Variants in SLC8A1 observed in about 807,000 individuals in gnomAD.
SLC8A1 encodes solute carrier family 8 member A1.
In SLC8A1, 18 loss-of-function variants were observed where a neutral mutation model predicts 68.3. That is an observed-to-expected ratio of 0.26 (90% confidence interval 0.18 to 0.39). The LOEUF (loss-of-function observed/expected upper bound fraction) is 0.39, where lower values mean the gene tolerates loss of function less well. Among genes scored for constraint, SLC8A1 ranks in the 10% least tolerant of loss-of-function variants. The probability of loss-of-function intolerance (pLI) is 1.00; values close to 1 mark genes in which losing one functional copy is unlikely to be tolerated. For missense variants in SLC8A1, 985 were observed against 1,156.7 expected (o/e 0.85, Z 2.15); for synonymous variants, 475 against 415.5 (o/e 1.14, Z -1.74).
chr2:40,172,741 G>A (rs1436586511), intron 4 of SLC8A1, among the ~76,000 whole-genome samples: 3 of 152,116 alleles, frequency 2.0e-5, no homozygotes. Flanking sequence ...AGGAGATTGA[G>A]ACTCTCCTGG....
At chr2:40,170,180 G>T in intron 4 of SLC8A1, 101 bp downstream of exon 7, 2 of 1,029,948 alleles carry the variant, frequency 1.9e-6, no homozygotes, top group Non-Finnish European at 1.5e-6. Flanking sequence ...ATTTAGCAAT[G>T]TTTTACAGAG....
At chr2:40,465,908 T>C (rs1022427661) in intron 1 of SLC8A1, among the ~76,000 whole-genome samples, 1 of 152,212 alleles carries the variant, frequency 6.6e-6, no homozygotes, top group Non-Finnish European at 1.5e-5. Flanking sequence ...GAACGGTCTT[T>C]TGGGGAGTGG....
At chr2:40,131,858 ATTTTTTTTTTTTTT>A (rs71404277) in intron 7 of SLC8A1, among the ~76,000 whole-genome samples, 2 of 95,558 alleles carry the variant, frequency 2.1e-5, no homozygotes, top group African/African-American at 8.6e-5. Context: ...TTGGTATTCT[ATTTTTTTTTTTTTT>A]TTTTTTTTTT....
chr2:40,106,543 TCATA>T (rs1446279443), exon 8 of SLC8A1: 1 of 152,200 alleles, frequency 6.6e-6, no homozygotes, highest in Non-Finnish European at 1.5e-5. Context: ...ATTTTAAGTC[TCATA>T]CATATATTTA....
At chr2:40,317,999 C>A (rs544132052) in intron 2 of SLC8A1, among the ~76,000 whole-genome samples, 6 of 152,140 alleles carry the variant, frequency 3.9e-5, no homozygotes, top group South Asian at 2.1e-4. Flanking sequence ...GAGAGCAACA[C>A]TGAAGTGTAT....
chr2:40,395,493 T>A (rs961748257), intron 2 of SLC8A1, among the ~76,000 whole-genome samples: 1 of 152,108 alleles, frequency 6.6e-6, no homozygotes, highest in South Asian at 2.1e-4. Flanking sequence ...ATCCGAAGGC[T>A]ACCCTGCTTG....
chr2:40,300,526 T>A (rs1318164987), intron 2 of SLC8A1, among the ~76,000 whole-genome samples: 1 of 152,196 alleles, frequency 6.6e-6, no homozygotes, highest in East Asian at 1.9e-4. Context: ...TGCCTCAGCG[T>A]AAGTCTGAAA....
At chr2:40,219,054 C>T (rs1006205181) in intron 2 of SLC8A1, among the ~76,000 whole-genome samples, 2 of 27,886 alleles carry the variant, frequency 7.2e-5, no homozygotes, top group African/African-American at 1.3e-4. Flanking sequence ...ATATAATCTC[C>T]ATAATCATAA....
chr2:40,143,042 T>C (rs957342953), intron 6 of SLC8A1, among the ~76,000 whole-genome samples: 3 of 152,130 alleles, frequency 2.0e-5, no homozygotes, highest in Non-Finnish European at 4.4e-5. Flanking sequence ...AATGTTTTAA[T>C]GCATAAGTCT....
chr2:40,331,875 G>A (rs1256596142), intron 2 of SLC8A1, among the ~76,000 whole-genome samples: 1 of 152,130 alleles, frequency 6.6e-6, no homozygotes, highest in Non-Finnish European at 1.5e-5. Context: ...TTACAGGCGT[G>A]AGCCACCGTG....
At chr2:40,258,658 T>TG (rs1407190568) in intron 2 of SLC8A1, among the ~76,000 whole-genome samples, 1 of 152,026 alleles carries the variant, frequency 6.6e-6, no homozygotes, top group Non-Finnish European at 1.5e-5. Flanking sequence ...CTGGCCAACA[T>TG]GGTGAAACCC....
At chr2:40,131,511 G>T (rs1023025015) in intron 7 of SLC8A1, among the ~76,000 whole-genome samples, 1 of 152,208 alleles carries the variant, frequency 6.6e-6, no homozygotes, top group Non-Finnish European at 1.5e-5. Context: ...TGATGAGTGG[G>T]CATTTTTGTG....
At chr2:40,174,951 A>G (rs983587330) in intron 3 of SLC8A1, 109 bp from the exon 5 acceptor site, 47 of 1,004,030 alleles carry the variant, frequency 4.7e-5, no homozygotes, top group Non-Finnish European at 6.7e-5. Context: ...GCCAAATTAT[A>G]TTTACAATTA....
At chr2:40,504,481 T>TAA (rs1706242437) in intron 1 of SLC8A1, among the ~76,000 whole-genome samples, 2 of 151,984 alleles carry the variant, frequency 1.3e-5, no homozygotes, top group Non-Finnish European at 2.9e-5. Context: ...TTTAAAAAGC[T>TAA]TCTGTACAGC....
intron 2 of SLC8A1, among the ~76,000 whole-genome samples, chr2:40,376,502 G>T (rs2149529391): frequency 6.6e-6 from 1 of 152,152 alleles, no homozygotes; most frequent in African/African-American, 2.4e-5. Flanking sequence ...ACTCTCTGTT[G>T]TCAGTCACTC....
At chr2:40,330,986 T>TG (rs1473596243) in intron 2 of SLC8A1, among the ~76,000 whole-genome samples, 1 of 152,212 alleles carries the variant, frequency 6.6e-6, no homozygotes, top group African/African-American at 2.4e-5. Context: ...AATAAATACT[T>TG]TCTTTCTTCC....
chr2:40,151,448 T>A (rs951291074), intron 6 of SLC8A1, among the ~76,000 whole-genome samples: 1 of 152,218 alleles, frequency 6.6e-6, no homozygotes, highest in African/African-American at 2.4e-5. Context: ...CCAAGCACTG[T>A]CTTAGGTGTT....
intron 2 of SLC8A1, among the ~76,000 whole-genome samples, chr2:40,226,125 C>T (rs1372622635): frequency 1.3e-5 from 2 of 152,078 alleles, no homozygotes; most frequent in Non-Finnish European, 2.9e-5. Flanking sequence ...TGCTTTTCCC[C>T]TAAAAGTCGG....
intron 7 of SLC8A1, among the ~76,000 whole-genome samples, chr2:40,123,863 A>T (rs770751920): frequency 1.1e-4 from 16 of 152,228 alleles, no homozygotes; most frequent in Non-Finnish European, 1.6e-4. Context: ...TATAGATATA[A>T]CTGAAACTAA....
Sources: gnomAD v4.1 joint callset for allele counts (sites outside exome capture counted in the v4.1 genomes callset) on GRCh38, gnomAD v4.1.1 for gene constraint, MANE v1.5 for transcripts, NCBI Gene and HGNC (gene_info 2026-07-23, HGNC 2026-07-21) for gene names.